Variants in TAFA2 observed in about 807,000 individuals in gnomAD.
TAFA2 encodes the protein chemokine-like protein TAFA-2.
In TAFA2, 7 loss-of-function variants were observed where a neutral mutation model predicts 18.8. That is an observed-to-expected ratio of 0.37 (90% CI 0.21 to 0.70). The LOEUF is 0.70. Among genes scored for constraint, TAFA2 ranks in the 30% least tolerant of loss-of-function variants. The pLI is 0.53. For synonymous variants in TAFA2, 60 were observed against 54.2 expected (o/e 1.11, Z -0.47); for missense variants, 122 against 158.1 (o/e 0.77, Z 1.23).
intron 1 of TAFA2, among the ~76,000 whole-genome samples, chr12:62,029,074 G>T (rs989798222): frequency 3.3e-5 from 5 of 151,956 alleles, no homozygotes; most frequent in Non-Finnish European, 7.4e-5. Context: ...TACTAAAAAC[G>T]GAAAATGTCC....
chr12:61,720,893 C>A, intron 4 of TAFA2: 1 of 517,330 alleles, frequency 1.9e-6, no homozygotes, highest in East Asian at 5.5e-5. Flanking sequence ...TTCTACTTCT[C>A]CATTCGAACT....
chr12:62,038,673 A>G (rs898236733), intron 1 of TAFA2, among the ~76,000 whole-genome samples: 20 of 151,926 alleles, frequency 1.3e-4, no homozygotes, highest in African/African-American at 4.8e-4. Flanking sequence ...TTAAAGAAAA[A>G]CCCCTAGACA....
intron 1 of TAFA2, among the ~76,000 whole-genome samples, chr12:62,065,394 T>G (rs1882457743): frequency 6.6e-6 from 1 of 152,060 alleles, no homozygotes; most frequent in Non-Finnish European, 1.5e-5. Context: ...ACTAGGATTC[T>G]GTGAATAAAC....
chr12:61,856,971 T>G (rs964092900), intron 2 of TAFA2, among the ~76,000 whole-genome samples: 1 of 151,722 alleles, frequency 6.6e-6, no homozygotes, highest in South Asian at 2.1e-4. Context: ...AAATACAGTA[T>G]AGTCTTAATA....
At chr12:61,914,315 TA>T (rs1876731033) in intron 1 of TAFA2, among the ~76,000 whole-genome samples, 1 of 152,198 alleles carries the variant, frequency 6.6e-6, no homozygotes. Flanking sequence ...ACTTAGGGTC[TA>T]AAGTTAGCCT....
At chr12:62,185,933 A>G (rs1039605847) in intron 1 of TAFA2, among the ~76,000 whole-genome samples, 1 of 152,208 alleles carries the variant, frequency 6.6e-6, no homozygotes, top group Non-Finnish European at 1.5e-5. Context: ...ACCATGGCAG[A>G]GTTTTCAGAT....
At chr12:61,923,826 A>C (rs1877162023) in intron 1 of TAFA2, among the ~76,000 whole-genome samples, 1 of 151,996 alleles carries the variant, frequency 6.6e-6, no homozygotes, top group Non-Finnish European at 1.5e-5. Context: ...CAATGCAAGG[A>C]AGCTAAGAAC....
At chr12:61,738,073 C>A (rs977455490) in intron 4 of TAFA2, among the ~76,000 whole-genome samples, 1 of 151,952 alleles carries the variant, frequency 6.6e-6, no homozygotes, top group East Asian at 1.9e-4. Context: ...TTGGCCTCTG[C>A]TAATTGCTGA....
intron 4 of TAFA2, among the ~76,000 whole-genome samples, chr12:61,731,593 A>G (rs1260490413): frequency 7.7e-6 from 1 of 130,404 alleles, no homozygotes; most frequent in African/African-American, 3.0e-5. Flanking sequence ...CTCTCAGATC[A>G]TAATTGTTGC....
At chr12:62,023,305 T>G (rs1312429469) in intron 1 of TAFA2, among the ~76,000 whole-genome samples, 1 of 152,156 alleles carries the variant, frequency 6.6e-6, no homozygotes, top group Non-Finnish European at 1.5e-5. Flanking sequence ...CTGTGATATG[T>G]GGCATTTGCC....
chr12:62,103,279 A>G (rs1869289632), intron 1 of TAFA2, among the ~76,000 whole-genome samples: 1 of 152,220 alleles, frequency 6.6e-6, no homozygotes, highest in Non-Finnish European at 1.5e-5. Context: ...TCAAATCTGT[A>G]ATATTTGCTG....
chr12:61,978,896 T>C (rs1225890219), intron 1 of TAFA2, among the ~76,000 whole-genome samples: 2 of 152,080 alleles, frequency 1.3e-5, no homozygotes, highest in African/African-American at 4.8e-5. Context: ...GCATTGTTTT[T>C]CAAAGTAGGC....
intron 1 of TAFA2, among the ~76,000 whole-genome samples, chr12:62,147,955 G>A (rs1259602204): frequency 6.6e-6 from 1 of 151,844 alleles, no homozygotes. Flanking sequence ...CGAACATATG[G>A]AAAAAAATGT....
rs527837050 is a variant in TAFA2, at chr12:61,790,841, A to G, written c.107-35817T>C. 2.6e-5 allele frequency among the ~76,000 whole-genome samples: 4 copies of G among 151,926 alleles called. No homozygotes were observed. The East Asian group carries it at 7.8e-4, about 30-fold the overall frequency. ...TTTCTATTAAAATACTAACGGTGTT[A>G]TTTATAGAAATAAGAAAAAAATACT... On this transcript the variant is annotated intron_variant, in intron 2 of 4. Coordinates refer to ENST00000416284, the MANE Select transcript of TAFA2 (RefSeq NM_178539.5).
chr12:61,772,586 G>A (rs12367913), intron 2 of TAFA2, among the ~76,000 whole-genome samples: 42,969 of 151,710 alleles, frequency 0.28, 6,767 homozygotes, highest in South Asian at 0.37. Context: ...GCATTACAGC[G>A]CATAAAGAAT....
At chr12:62,196,518 G>T (rs1412991292), upstream of TAFA2, among the ~76,000 whole-genome samples, 1 of 152,128 alleles carries the variant, frequency 6.6e-6, no homozygotes, top group Non-Finnish European at 1.5e-5. Context: ...ATATTAATGG[G>T]CCTAATTTCA....
chr12:62,079,019 T>G (rs1025547952), intron 1 of TAFA2, among the ~76,000 whole-genome samples: 6 of 152,204 alleles, frequency 3.9e-5, no homozygotes, highest in Non-Finnish European at 8.8e-5. Flanking sequence ...AAAACAATTC[T>G]TTAGCTTCCA....
At chr12:62,155,268 A>G (rs1186227336) in intron 1 of TAFA2, among the ~76,000 whole-genome samples, 1 of 152,166 alleles carries the variant, frequency 6.6e-6, no homozygotes, top group Non-Finnish European at 1.5e-5. Context: ...TACAAGTAAA[A>G]CTACAAAATA....
chr12:62,014,708 C>A (rs934219192), intron 1 of TAFA2, among the ~76,000 whole-genome samples: 2 of 152,114 alleles, frequency 1.3e-5, no homozygotes, highest in African/African-American at 2.4e-5. Flanking sequence ...TTAAACAGGC[C>A]ATAAAGAAAC....
Sources: allele counts gnomAD v4.1 joint callset (sites outside exome capture counted in the v4.1 genomes callset), GRCh38; gene constraint gnomAD v4.1.1; transcripts MANE v1.5; gene names NCBI Gene and HGNC (gene_info 2026-07-23, HGNC 2026-07-21).